Variants in IL16 observed in about 807,000 individuals in gnomAD.
IL16 encodes the protein interleukin 16, also known as pro-interleukin-16.
A neutral mutation model predicts 110.1 loss-of-function variants in IL16; 67 were observed. That is an observed-to-expected ratio of 0.61 (90% CI 0.50 to 0.75). The LOEUF is 0.75. Ranked by LOEUF, IL16 falls within the 30% of genes least tolerant of loss-of-function variation. The pLI is 0.00. For synonymous variants in IL16, 689 were observed against 662.9 expected (o/e 1.04, Z -0.61); for missense variants, 1,545 against 1,655.0 (o/e 0.93, Z 1.15).
At chr15:81,212,062 T>G (rs1022545554) in intron 1 of IL16, among the ~76,000 whole-genome samples, 1 of 152,120 alleles carries the variant, frequency 6.6e-6, no homozygotes, top group African/African-American at 2.4e-5. Context: ...TGGAATAGTT[T>G]CGGTAGGATT....
At chr15:81,261,100 T>C (rs1898134011) in intron 3 of IL16, among the ~76,000 whole-genome samples, 1 of 152,264 alleles carries the variant, frequency 6.6e-6, no homozygotes, top group African/African-American at 2.4e-5. Flanking sequence ...TTTCCCTTTC[T>C]CCCTCACCCA....
At chr15:81,284,026 G>A (rs199658856) in intron 9 of IL16, among the ~76,000 whole-genome samples, 5 of 110,862 alleles carry the variant, frequency 4.5e-5, no homozygotes, top group South Asian at 4.1e-4. Context: ...AAAAAAAAGA[G>A]AGAGAGAAGA....
intron 1 of IL16, among the ~76,000 whole-genome samples, chr15:81,220,420 G>T (rs1456724626): frequency 6.6e-6 from 1 of 152,184 alleles, no homozygotes; most frequent in African/African-American, 2.4e-5. Flanking sequence ...ATCCCAAAGT[G>T]TTGGGATTAC....
At chr15:81,258,728 G>GCACTCTCTCT (rs1333226224) in intron 2 of IL16, among the ~76,000 whole-genome samples, 5 of 114,996 alleles carry the variant, frequency 4.3e-5, no homozygotes, top group Non-Finnish European at 7.5e-5. Context: ...ACTCGCGCAC[G>GCACTCTCTCT]CGCTCTCTCT....
In IL16 at chr15:81,225,150, T is replaced by C. The variant is rs141475762; in HGVS notation, c.-101-149T>C. On this transcript the variant is annotated intron_variant, in intron 1 of 18. Transcript: ENST00000683961. Reference sequence around the variant, plus strand: ...ACTGAGCCCCATTTGGCTGGCACACTGGAAGGGCCAGTGATCTTAAAGGAT... The same window carrying C: ...ACTGAGCCCCATTTGGCTGGCACACCGGAAGGGCCAGTGATCTTAAAGGAT... 1.7e-4 allele frequency: 102 copies of C among 607,864 alleles called. No homozygotes were observed. In the African/African-American group the frequency reaches 1.8e-3, roughly 11 times the overall value. 37.7% of individuals were successfully genotyped at this position (607,864 alleles called of 1,614,324 possible). A position where few individuals can be genotyped will look rare whatever the true frequency, so the allele number is the denominator to read the frequency against.
intron 1 of IL16, among the ~76,000 whole-genome samples, chr15:81,213,572 A>ATGTTGGGTGCAGTATATATT (rs1359711522): frequency 2.6e-5 from 4 of 152,100 alleles, no homozygotes; most frequent in African/African-American, 4.8e-5. Context: ...GGGTGCTCCA[A>ATGTTGGGTGCAGTATATATT]TGTTGGGTGC....
At chr15:81,281,494 G>A (rs1027387950) in intron 8 of IL16, among the ~76,000 whole-genome samples, 8 of 152,214 alleles carry the variant, frequency 5.3e-5, no homozygotes, top group African/African-American at 1.7e-4. Flanking sequence ...TCTCCTCTGG[G>A]TTCCGGCTTC....
In IL16 at chr15:81,292,994, ACTC is replaced by A; in HGVS notation, c.1863_1865del (p.Ser622del). On this transcript the variant is annotated inframe_deletion, in exon 12 of 19. Coordinates refer to ENST00000683961, the MANE Select transcript of IL16 (RefSeq NM_172217.5). ...CAGAAGAGTCTGGAAGAGAGAGAGA[ACTC>A]CTCATGCTCTTCTGGGCACACCCCA... is the stretch of plus-strand genomic sequence containing the variant. 6.2e-7 allele frequency: 1 copy of A among 1,612,564 alleles called. No homozygotes were observed. The highest frequency in any genetic ancestry group is 8.5e-7 in the Non-Finnish European group (1 of 1,179,956).
At chr15:81,297,533 T>G (rs1467450949) in intron 13 of IL16, among the ~76,000 whole-genome samples, 1 of 152,186 alleles carries the variant, frequency 6.6e-6, no homozygotes, top group Admixed American at 6.5e-5. Flanking sequence ...CAAGGGTGTG[T>G]CCACATGGTA....
rs1897697337 is a variant in IL16 at position 81,249,655 on chromosome 15, C to A, written c.313-10117C>A. On this transcript the variant is annotated intron_variant, in intron 2 of 18. Transcript: ENST00000683961. ...TAGTGTTTTGCAGTTTTGCTAAGAA[C>A]TATCTAGATATGCTTTTTTAATTTA... Among the ~76,000 whole-genome samples the A allele has an allele frequency of 3.9e-5, 6 of 152,234 alleles. No homozygotes were observed. In the South Asian group the frequency reaches 1.2e-3, roughly 32 times the overall value.
At chr15:81,248,281 A>G (rs968325598) in intron 2 of IL16, among the ~76,000 whole-genome samples, 1 of 151,962 alleles carries the variant, frequency 6.6e-6, no homozygotes, top group African/African-American at 2.4e-5. Flanking sequence ...ATCTACTTCT[A>G]TCTAGTTTTT....
At chr15:81,232,022 A>T (rs1897005918) in intron 2 of IL16, among the ~76,000 whole-genome samples, 1 of 122,910 alleles carries the variant, frequency 8.1e-6, no homozygotes, top group South Asian at 2.5e-4. Flanking sequence ...TGGTCATGTA[A>T]GTCCTCCACA....
chr15:81,313,076 G>T lies in IL16; in HGVS notation c.*4278G>T. 1 of 609,046 alleles carries T rather than the reference G, an allele frequency of 1.6e-6. No homozygotes were observed. The highest frequency in any genetic ancestry group is 2.5e-6 in the Non-Finnish European group (1 of 392,350). The allele number at this position is 609,046 out of a possible 1,614,324, so 37.7% of individuals were successfully genotyped here. A position where few individuals can be genotyped will look rare whatever the true frequency, so the allele number is the denominator to read the frequency against. On this transcript the variant is annotated 3_prime_UTR_variant, in exon 19 of 19. Transcript: ENST00000683961. ...CTCATCACACGCCAACCCTGAGTGG[G>T]GCAGGAGGCAGGAAGGGTGGGCTGC...
chr15:81,290,296 G>A (rs985668063), intron 10 of IL16, among the ~76,000 whole-genome samples, 157 bp from the exon 11 acceptor site: 5 of 152,274 alleles, frequency 3.3e-5, no homozygotes, highest in Middle Eastern at 3.4e-3. Flanking sequence ...TTGATTCCCG[G>A]GGTATTTCTG....
At chr15:81,203,577 G>A (rs1895902284) in intron 1 of IL16, among the ~76,000 whole-genome samples, 1 of 151,866 alleles carries the variant, frequency 6.6e-6, no homozygotes, top group African/African-American at 2.4e-5. Flanking sequence ...ATTAAATAGG[G>A]AATCCTTTCC....
At chr15:81,289,930 T>A (rs1240025624) in intron 10 of IL16, 10 of 454,726 alleles carry the variant, frequency 2.2e-5, no homozygotes, top group African/African-American at 4.0e-5. Flanking sequence ...CTCAGGAGGT[T>A]AAGTAACTTG....
At chr15:81,210,027 T>G (rs1164295524) in intron 1 of IL16, among the ~76,000 whole-genome samples, 1 of 152,220 alleles carries the variant, frequency 6.6e-6, no homozygotes, top group East Asian at 1.9e-4. Flanking sequence ...TAATCCATTT[T>G]GAGTTGGTTT....
chr15:81,184,545 G>C (rs1895390314), intron 1 of IL16, among the ~76,000 whole-genome samples: 2 of 152,204 alleles, frequency 1.3e-5, no homozygotes, highest in South Asian at 4.1e-4. Context: ...TTTGGCTGAA[G>C]GCAGTTTCCC....
chr15:81,269,459 G>A, intron 4 of IL16, 79 bp from the exon 5 acceptor site: 1 of 952,574 alleles, frequency 1.0e-6, no homozygotes, highest in African/African-American at 1.6e-5. Context: ...TCTTTGGCTG[G>A]GCTTTTCCCC....
Sources: gnomAD v4.1 joint callset for allele counts (sites outside exome capture counted in the v4.1 genomes callset) on GRCh38, gnomAD v4.1.1 for gene constraint, MANE v1.5 for transcripts, NCBI Gene and HGNC (gene_info 2026-07-23, HGNC 2026-07-21) for gene names.